ABCD2: variants seen among roughly 807,000 people sequenced by gnomAD.
ABCD2 encodes the protein ATP-binding cassette sub-family D member 2.
Under a neutral mutation model 70.9 loss-of-function variants are expected in ABCD2, and 36 were observed. That is an observed-to-expected ratio of 0.51 (90% CI 0.39 to 0.67). ABCD2 has a LOEUF of 0.67. Ranked by LOEUF, ABCD2 falls within the 30% of genes least tolerant of loss-of-function variation. ABCD2 has a pLI of 0.00. For missense variants in ABCD2, 729 were observed against 890.2 expected (o/e 0.82, Z 2.30); for synonymous variants, 304 against 306.9 (o/e 0.99, Z 0.10).
intron 2 of ABCD2, among the ~76,000 whole-genome samples, chr12:39,610,175 C>T (rs1942026194): frequency 6.6e-6 from 1 of 152,114 alleles, no homozygotes; most frequent in African/African-American, 2.4e-5. Flanking sequence ...GAATGACAAA[C>T]TGGTTAAGTT....
intron 9 of ABCD2, among the ~76,000 whole-genome samples, chr12:39,563,069 T>C (rs1225817281): frequency 1.3e-5 from 2 of 152,138 alleles, no homozygotes; most frequent in Non-Finnish European, 2.9e-5. Flanking sequence ...AAAATATGAT[T>C]ATCTTAATTG....
chr12:39,569,714 C>T (rs116467231), intron 9 of ABCD2, among the ~76,000 whole-genome samples: 241 of 152,292 alleles, frequency 1.6e-3, no homozygotes, highest in African/African-American at 5.3e-3. Context: ...TCTTCTGCAT[C>T]GCTGATGCTG....
intron 1 of ABCD2, among the ~76,000 whole-genome samples, chr12:39,618,186 T>C (rs1432551559): frequency 6.6e-6 from 1 of 152,168 alleles, no homozygotes; most frequent in African/African-American, 2.4e-5. Flanking sequence ...TGATCAGACA[T>C]GCAAAATTGT....
At chr12:39,535,979 T>C in the ABCD2 span, among the ~76,000 whole-genome samples, 1 of 152,090 alleles carries the variant, frequency 6.6e-6, no homozygotes, top group African/African-American at 2.4e-5. Context: ...CTGTCTCTAC[T>C]AAAAACACAA....
intron 2 of ABCD2, among the ~76,000 whole-genome samples, chr12:39,609,435 A>G (rs558146327): frequency 6.6e-6 from 1 of 152,184 alleles, no homozygotes; most frequent in Non-Finnish European, 1.5e-5. Context: ...AGTGCAATAC[A>G]TGGCCCACAG....
At chr12:39,559,403 G>GAAAAAAAAAAAAAAAA (rs1941219580) in intron 9 of ABCD2, among the ~76,000 whole-genome samples, 1 of 143,148 alleles carries the variant, frequency 7.0e-6, no homozygotes. Flanking sequence ...AAAAAAAAAG[G>GAAAAAAAAAAAAAAAA]AAATATATGA....
Position 39,619,489 on chromosome 12 carries a change from G to C in ABCD2, c.127C>G (p.Arg43Gly). 6.2e-7 allele frequency: 1 copy of C among 1,613,250 alleles called. No homozygotes were observed. Among genetic ancestry groups the C allele is most frequent in the South Asian group, 1.1e-5 (1 of 91,076 alleles). The change falls in exon 1 of 10, where the codon CGT becomes GGT. Residue 43 changes from arginine to glycine, a missense_variant. Coordinates refer to ENST00000308666, the MANE Select transcript of ABCD2 (RefSeq NM_005164.4). Reference protein sequence around the residue: ...LKTLYPIIGKRLKQSGHGKKK... With the variant: ...LKTLYPIIGKGLKQSGHGKKK... Reference sequence around the variant, plus strand: ...TTCCCGTGGCCAGATTGCTTTAAACGCTTGCCAATGATGGGATAGAGGGTT... The same window carrying C: ...TTCCCGTGGCCAGATTGCTTTAAACCCTTGCCAATGATGGGATAGAGGGTT...
rs1294450988 is a variant in ABCD2, at chr12:39,616,035, A to T, written c.1120+953T>A. On this transcript the variant is annotated intron_variant, in intron 2 of 9. Transcript: ENST00000308666. ...TGGTTCTCATTTTACAAATGAGGAA[A>T]CTAAGGTATAGAGAGTTTAATCAAC... 2.6e-4 allele frequency among the ~76,000 whole-genome samples: 39 copies of T among 152,122 alleles called. 1 individual carries two copies.
chr12:39,534,966 T>C, the ABCD2 span, among the ~76,000 whole-genome samples: 26 of 151,356 alleles, frequency 1.7e-4, no homozygotes, highest in South Asian at 4.4e-3. Context: ...AGAGAAAATA[T>C]TGACTTTATA....
chr12:39,597,774 C>T (rs769549345), intron 6 of ABCD2, among the ~76,000 whole-genome samples: 3 of 152,122 alleles, frequency 2.0e-5, no homozygotes, highest in African/African-American at 2.4e-5. Flanking sequence ...TTTCCAAAAA[C>T]GTATCTGATG....
At chr12:39,549,875 T>A (rs149565729), downstream of ABCD2, among the ~76,000 whole-genome samples, 294 of 152,020 alleles carry the variant, frequency 1.9e-3, no homozygotes, top group African/African-American at 6.9e-3. Flanking sequence ...TCCTCTTTTA[T>A]TAAATTAGCA....
rs747405988 is a variant in ABCD2 at position 39,619,023 on chromosome 12, T to C, written c.593A>G (p.Asn198Ser). 1.3e-5 allele frequency: 21 copies of C among 1,614,238 alleles called. No homozygotes were observed. The South Asian group carries it at 1.4e-4, about 11-fold the overall frequency. ...FTNQTYYKVINMDGRLANPDQ... is the reference protein window; with the variant it reads ...FTNQTYYKVISMDGRLANPDQ... ...AGGGTTTGCCAGCCTCCCATCCATA[T>C]TGATCACTTTATAATAAGTCTGATT... Residue 198 changes from asparagine to serine, a missense_variant, in exon 1 of 10, where the codon AAT (asparagine) becomes AGT (serine). This residue lies in a region of ABCD2 where 245 missense variants were observed against 261.2 expected (regional missense o/e 0.94). Transcript: ENST00000308666.
chr12:39,585,298 C>T (rs1289409019), intron 7 of ABCD2, among the ~76,000 whole-genome samples: 1 of 152,056 alleles, frequency 6.6e-6, no homozygotes, highest in South Asian at 2.1e-4. Flanking sequence ...GGATTGCCTT[C>T]CTGATTTGGC....
At chr12:39,613,845 T>G (rs183727130) in intron 2 of ABCD2, among the ~76,000 whole-genome samples, 1 of 152,368 alleles carries the variant, frequency 6.6e-6, no homozygotes, top group African/African-American at 2.4e-5. Context: ...CATAATCCTG[T>G]CTTTACCATA....
At chr12:39,532,920 G>A in the ABCD2 span, among the ~76,000 whole-genome samples, 2 of 152,138 alleles carry the variant, frequency 1.3e-5, no homozygotes, top group Non-Finnish European at 2.9e-5. Context: ...AGCACTTTGG[G>A]AAGCTGAAGT....
rs1382031972 is a variant in ABCD2, at chr12:39,619,506, T to C, written c.110A>G (p.Tyr37Cys). The C allele has an allele frequency of 1.9e-6, 3 of 1,612,620 alleles. No homozygotes were observed. Among genetic ancestry groups the C allele is most frequent in the East Asian group, 4.5e-5 (2 of 44,884 alleles). ...VAAAYALKTL[Y>C]PIIGKRLKQS... ...CTTTAAACGCTTGCCAATGATGGGATAGAGGGTTTTCAGAGCATATGCCGC... is the reference window on the plus strand; with the variant it reads ...CTTTAAACGCTTGCCAATGATGGGACAGAGGGTTTTCAGAGCATATGCCGC... Residue 37 changes from tyrosine (Y) to cysteine (C), a missense_variant, in exon 1 of 10, where the codon TAT (tyrosine) becomes TGT (cysteine). Around this residue, in one of 3 missense-constraint regions of ABCD2, gnomAD observed 245 missense variants for 261.2 expected, o/e 0.94. Transcript: ENST00000308666.
rs1279343595 is a variant in ABCD2, at chr12:39,551,328, GCAAATAGATA to G, written c.*2574_*2583del. 4 of 151,572 alleles carry G rather than the reference GCAAATAGATA, an allele frequency of 2.6e-5. No individual in the cohort carries two copies. Among genetic ancestry groups the G allele is most frequent in the African/African-American group, 9.7e-5 (4 of 41,372 alleles). 9.4% of individuals were successfully genotyped at this position (151,572 alleles called of 1,614,324 possible). On this transcript the variant is annotated 3_prime_UTR_variant, in exon 10 of 10. Coordinates refer to ENST00000308666, the MANE Select transcript of ABCD2 (RefSeq NM_005164.4). ...GACCAAAAATATGTCAAACGTTTGG[GCAAATAGATA>G]TAACATGGTAAAAGTAGTTTGAAAC...
the ABCD2 span, among the ~76,000 whole-genome samples, chr12:39,534,761 A>AAG: frequency 0.013 from 66 of 4,990 alleles, no homozygotes; most frequent in South Asian, 0.025. Flanking sequence ...AGAAAGAAAG[A>AAG]GAAAGAAAGA....
At chr12:39,561,250 G>A (rs1385493851) in intron 9 of ABCD2, among the ~76,000 whole-genome samples, 2 of 151,448 alleles carry the variant, frequency 1.3e-5, no homozygotes, top group Non-Finnish European at 2.9e-5. Flanking sequence ...AAAAATAGCT[G>A]GGTTTTGTGG....
Sources: allele counts gnomAD v4.1 joint callset (sites outside exome capture counted in the v4.1 genomes callset), GRCh38; gene constraint gnomAD v4.1.1; regional missense constraint gnomAD v4.1.1; transcripts MANE v1.5; gene names NCBI Gene and HGNC (gene_info 2026-07-23, HGNC 2026-07-21).